PRKD1: variants seen among roughly 807,000 people sequenced by gnomAD.
PRKD1 encodes serine/threonine-protein kinase D1.
PRKD1 carries 63 observed loss-of-function variants against 95.9 expected under a neutral mutation model. The ratio of observed to expected loss-of-function variants is 0.66; its 90% CI spans 0.54 to 0.81. The LOEUF (loss-of-function observed/expected upper bound fraction) is 0.81. Ranked by LOEUF, PRKD1 falls within the 30% of genes least tolerant of loss-of-function variation. The pLI is 0.00. For synonymous variants in PRKD1, 425 were observed against 423.1 expected, an observed-to-expected ratio of 1.00 and a Z score of -0.05; for missense variants, 1,048 against 1,165.3, an observed-to-expected ratio of 0.90 and a Z score of 1.47.
chr14:29,668,245 A>T (rs1882634834), intron 2 of PRKD1, among the ~76,000 whole-genome samples: 1 of 152,188 alleles, frequency 6.6e-6, no homozygotes, highest in South Asian at 2.1e-4. Flanking sequence ...ATCACTTAGC[A>T]CAGGAAAACA....
chr14:29,850,434 A>G (rs546540872), intron 1 of PRKD1, among the ~76,000 whole-genome samples: 2 of 149,608 alleles, frequency 1.3e-5, no homozygotes, highest in East Asian at 1.9e-4. Flanking sequence ...AGCCAAATCA[A>G]GAAAGCAACC....
intron 2 of PRKD1, among the ~76,000 whole-genome samples, chr14:29,718,725 T>C (rs1159772537): frequency 6.6e-6 from 1 of 152,166 alleles, no homozygotes; most frequent in East Asian, 1.9e-4. Flanking sequence ...GATGTCCAAG[T>C]ACAAACACAA....
At chr14:29,830,983 C>T (rs1891386546) in intron 1 of PRKD1, among the ~76,000 whole-genome samples, 1 of 152,174 alleles carries the variant, frequency 6.6e-6, no homozygotes, top group South Asian at 2.1e-4. Flanking sequence ...CTGCACCCAG[C>T]AGAAACTTAT....
At chr14:29,793,678 T>C (rs914390914) in intron 1 of PRKD1, among the ~76,000 whole-genome samples, 2 of 152,024 alleles carry the variant, frequency 1.3e-5, no homozygotes, top group Non-Finnish European at 2.9e-5. Context: ...TTTTATAAAA[T>C]GAAGCTAGTC....
chr14:29,846,942 C>T, intron 1 of PRKD1, among the ~76,000 whole-genome samples: 1 of 152,140 alleles, frequency 6.6e-6, no homozygotes, highest in Non-Finnish European at 1.5e-5. Flanking sequence ...CCCCACAGCT[C>T]CCAAGTTTAA....
At chr14:29,883,159 C>T (rs1172017592) in intron 1 of PRKD1, among the ~76,000 whole-genome samples, 5 of 152,068 alleles carry the variant, frequency 3.3e-5, no homozygotes, top group African/African-American at 1.2e-4. Context: ...AGGGTGCCAT[C>T]CACTTAAAAA....
chr14:29,656,441 G>A lies in PRKD1; in HGVS notation c.696+7258C>T, dbSNP rs990030896. 4 of 1,514,816 alleles carry A rather than the reference G, an allele frequency of 2.6e-6. No homozygotes were observed. In the South Asian group the frequency reaches 3.6e-5, roughly 14 times the overall value. The allele number at this position is 1,514,816 out of a possible 1,614,324, so 93.8% of individuals were successfully genotyped here. On this transcript the variant is annotated intron_variant, in intron 4 of 17. Coordinates refer to ENST00000331968, the MANE Select transcript of PRKD1 (RefSeq NM_002742.3). ...ATGCTGGTTTGAAAAAGACAGTGAA[G>A]CAAATTTCTAGCACCAGGTAGCATT...
intron 13 of PRKD1, among the ~76,000 whole-genome samples, chr14:29,615,236 T>A (rs1878774167): frequency 6.6e-6 from 1 of 152,212 alleles, no homozygotes; most frequent in Admixed American, 6.5e-5. Flanking sequence ...ATTTATATTC[T>A]AATGGGTACA....
intron 13 of PRKD1, among the ~76,000 whole-genome samples, chr14:29,604,692 T>C (rs1893640887): frequency 6.6e-6 from 1 of 152,118 alleles, no homozygotes; most frequent in African/African-American, 2.4e-5. Context: ...GTCAAGGTCT[T>C]AGAAATCACA....
intron 4 of PRKD1, among the ~76,000 whole-genome samples, chr14:29,660,026 T>C (rs1056136710): frequency 3.3e-5 from 5 of 152,230 alleles, no homozygotes; most frequent in Non-Finnish European, 5.9e-5. Flanking sequence ...CTCGAAGTTC[T>C]TGTAGATATA....
At chr14:29,734,363 T>C (rs939154351) in intron 1 of PRKD1, among the ~76,000 whole-genome samples, 2 of 152,072 alleles carry the variant, frequency 1.3e-5, no homozygotes, top group African/African-American at 4.8e-5. Context: ...TATGTGTAAA[T>C]TAGATGCCAG....
At chr14:29,912,960 A>G (rs914699228) in intron 1 of PRKD1, among the ~76,000 whole-genome samples, 1 of 152,250 alleles carries the variant, frequency 6.6e-6, no homozygotes, top group African/African-American at 2.4e-5. Flanking sequence ...CAATAATCAA[A>G]GTTATTTGCT....
At chr14:29,846,069 C>T (rs1258768688) in intron 1 of PRKD1, among the ~76,000 whole-genome samples, 2 of 152,004 alleles carry the variant, frequency 1.3e-5, no homozygotes, top group Non-Finnish European at 2.9e-5. Context: ...TATACCCAAC[C>T]AGTACTGCAT....
intron 1 of PRKD1, among the ~76,000 whole-genome samples, chr14:29,836,476 GCAGGTGA>G (rs2139306125): frequency 6.6e-6 from 1 of 152,290 alleles, no homozygotes; most frequent in Non-Finnish European, 1.5e-5. Context: ...AAGAATGATG[GCAGGTGA>G]CAGGTAAAGA....
At chr14:29,711,612 A>C (rs1885337596) in intron 2 of PRKD1, among the ~76,000 whole-genome samples, 4 of 152,132 alleles carry the variant, frequency 2.6e-5, no homozygotes, top group Admixed American at 2.6e-4. Context: ...CCAATTATGA[A>C]ATCTTAAATC....
intron 2 of PRKD1, among the ~76,000 whole-genome samples, chr14:29,670,367 G>A (rs764980270): frequency 6.6e-6 from 1 of 152,178 alleles, no homozygotes; most frequent in Non-Finnish European, 1.5e-5. Context: ...GTCTGTCAGG[G>A]AACACTTCAT....
At chr14:29,649,803 A>G (rs1211047519) in intron 4 of PRKD1, among the ~76,000 whole-genome samples, 1 of 152,122 alleles carries the variant, frequency 6.6e-6, no homozygotes, top group Non-Finnish European at 1.5e-5. Flanking sequence ...ATTCCAATGG[A>G]GTGGGTTTTG....
chr14:29,837,372 T>C (rs573233270), intron 1 of PRKD1, among the ~76,000 whole-genome samples: 67 of 152,334 alleles, frequency 4.4e-4, no homozygotes, highest in African/African-American at 1.5e-3. Flanking sequence ...ACCATTGCAC[T>C]TTCAATCAAC....
chr14:29,594,394 T>A (rs1893229771), intron 16 of PRKD1, among the ~76,000 whole-genome samples: 1 of 152,188 alleles, frequency 6.6e-6, no homozygotes. Context: ...GTGCTTGGTG[T>A]TCTGCTGTCC....
Sources: allele counts gnomAD v4.1 joint callset (sites outside exome capture counted in the v4.1 genomes callset), GRCh38; gene constraint gnomAD v4.1.1; transcripts MANE v1.5; gene names NCBI Gene and HGNC (gene_info 2026-07-23, HGNC 2026-07-21).